Variants in OGFOD1 observed in about 807,000 individuals in gnomAD.
OGFOD1 encodes the protein 2-oxoglutarate and iron dependent oxygenase domain containing 1.
OGFOD1 carries 54 observed loss-of-function variants against 67.7 expected under a neutral mutation model. That is an observed-to-expected ratio of 0.80 (90% CI 0.64 to 1.00). OGFOD1 has a LOEUF of 1.00. Among genes scored for constraint, OGFOD1 ranks in the 50% least tolerant of loss-of-function variants. The pLI is 0.00. For missense variants in OGFOD1, 606 were observed against 646.7 expected (o/e 0.94, Z 0.68); for synonymous variants, 221 against 227.0 (o/e 0.97, Z 0.24).
At chr16:56,471,240 T>C (rs1291897481) in intron 10 of OGFOD1, among the ~76,000 whole-genome samples, 2 of 151,076 alleles carry the variant, frequency 1.3e-5, no homozygotes, top group Admixed American at 6.6e-5. Context: ...TGAACGCCTG[T>C]AATCCAAGCT....
Position 56,462,569 on chromosome 16 carries a change from C to G in OGFOD1, c.383C>G (p.Ser128Cys), listed in dbSNP as rs375464486. ...ILFEDFRSWL[S>C]DISKIDLEST... ...TTTGAAGATTTCCGGTCCTGGCTTT[C>G]TGATATTTCTAAAATTGACCTGGAA... The change falls in exon 4 of 13, where the codon TCT (serine) becomes TGT (cysteine). Residue 128 changes from serine to cysteine, a missense_variant. By Grantham distance (112) the Ser-to-Cys change is moderately radical (BLOSUM62 -1). Transcript: ENST00000566157. The G allele has an allele frequency of 1.2e-6, 2 of 1,613,038 alleles. No individual in the cohort carries two copies. The highest frequency in any genetic ancestry group is 1.7e-6 in the Non-Finnish European group (2 of 1,179,106).
intron 2 of OGFOD1, among the ~76,000 whole-genome samples, chr16:56,454,507 T>G (rs1285585370): frequency 2.0e-5 from 3 of 151,790 alleles, no homozygotes; most frequent in Non-Finnish European, 2.9e-5. Context: ...TTTTTTTTTT[T>G]TAAGTTTGGT....
rs1177670320 is a variant in OGFOD1 at position 56,477,814 on chromosome 16, A to G, written c.*1609A>G. 1 of 152,086 alleles carries G rather than the reference A, an allele frequency of 6.6e-6. No homozygotes were observed. Among genetic ancestry groups the G allele is most frequent in the East Asian group, 1.9e-4 (1 of 5,186 alleles). The allele number at this position is 152,086 out of a possible 1,614,324, so 9.4% of individuals were successfully genotyped here. A position where few individuals can be genotyped will look rare whatever the true frequency, so the allele number is the denominator to read the frequency against. The stretch of plus-strand genomic sequence containing the variant: ...AATAGAAAAAGCACTGGGCCTTTAA[A>G]CTTCTTAACTACTCTTCTCTTTCAT... On this transcript the variant is annotated 3_prime_UTR_variant, in exon 13 of 13. Coordinates refer to ENST00000566157, the MANE Select transcript of OGFOD1 (RefSeq NM_018233.4).
chr16:56,469,580 C>T (rs1022590911), intron 8 of OGFOD1, among the ~76,000 whole-genome samples: 1 of 151,912 alleles, frequency 6.6e-6, no homozygotes, highest in Admixed American at 6.6e-5. Flanking sequence ...GTCGGCCAGG[C>T]GCAGTGGCTG....
At chr16:56,462,399 C>A in intron 3 of OGFOD1, 135 bp from the exon 4 acceptor site, 1 of 616,168 alleles carries the variant, frequency 1.6e-6, no homozygotes, top group Non-Finnish European at 2.9e-6. Flanking sequence ...CAGAATGTCT[C>A]AAATGAGATC....
chr16:56,464,260 G>T (rs1962822028), intron 4 of OGFOD1, among the ~76,000 whole-genome samples: 1 of 152,172 alleles, frequency 6.6e-6, no homozygotes, highest in South Asian at 2.1e-4. Context: ...GGTGGTGCAT[G>T]GTTTCAGTGT....
intron 10 of OGFOD1, among the ~76,000 whole-genome samples, chr16:56,474,143 A>T (rs1963340704): frequency 6.6e-6 from 1 of 152,124 alleles, no homozygotes. Flanking sequence ...TTTATAAAAT[A>T]TTTTAGTAAT....
intron 7 of OGFOD1, 112 bp from the exon 8 acceptor site, chr16:56,467,793 G>A: frequency 1.4e-6 from 1 of 692,232 alleles, no homozygotes; most frequent in Non-Finnish European, 2.6e-6. Flanking sequence ...ACTTTAATAG[G>A]AGAAACTTAT....
Position 56,476,404 on chromosome 16 carries a change from T to TA in OGFOD1, c.*210dup, listed in dbSNP as rs59188420. 61,349 of 308,148 alleles carry TA rather than the reference T, an allele frequency of 0.2. 4,660 individuals are homozygous for TA. The highest frequency in any genetic ancestry group is 0.36 in the African/African-American group (15,914 of 44,582). The allele number at this position is 308,148 out of a possible 1,614,324, so 19.1% of individuals were successfully genotyped here. The stretch of plus-strand genomic sequence containing the variant: ...TGCAGCTAAGTACTTATCTCTTGAT[T>TA]AAAAAAAAAAAGTTGGCTTTTTTTT... On this transcript the variant is annotated 3_prime_UTR_variant, in exon 13 of 13. Coordinates refer to ENST00000566157, the MANE Select transcript of OGFOD1 (RefSeq NM_018233.4).
chr16:56,468,682 C>T (rs554145489), intron 8 of OGFOD1, among the ~76,000 whole-genome samples: 40 of 151,102 alleles, frequency 2.6e-4, no homozygotes, highest in African/African-American at 9.0e-4. Flanking sequence ...GCTGAGATTG[C>T]GCCATTGCAC....
chr16:56,466,089 C>A, intron 4 of OGFOD1, 63 bp from the exon 5 acceptor site: 1 of 1,130,530 alleles, frequency 8.8e-7, no homozygotes, highest in Non-Finnish European at 1.3e-6. Context: ...ATATTAAATG[C>A]AGAGTCAGGT....
intron 3 of OGFOD1, among the ~76,000 whole-genome samples, chr16:56,460,533 A>G (rs578155584): frequency 6.6e-6 from 1 of 152,324 alleles, no homozygotes; most frequent in East Asian, 1.9e-4. Context: ...ATCCTGACCC[A>G]TTTTACATAA....
At chr16:56,475,761 C>A (rs879317700) in intron 12 of OGFOD1, among the ~76,000 whole-genome samples, 196 bp downstream of exon 12, 1 of 152,182 alleles carries the variant, frequency 6.6e-6, no homozygotes, top group East Asian at 1.9e-4. Context: ...ATTTATTTTA[C>A]CCTCCTGAGA....
chr16:56,477,566 G>A lies in OGFOD1; in HGVS notation c.*1361G>A, dbSNP rs1963538522. 6.6e-6 allele frequency: 1 copy of A among 152,110 alleles called. No homozygotes were observed. 9.4% of individuals were successfully genotyped at this position (152,110 alleles called of 1,614,324 possible). ...CTAATTGCTTTTTATTTTAAGAGAC[G>A]GAATGCTAAAACCACATCAGAATGC... is the stretch of plus-strand genomic sequence containing the variant. On this transcript the variant is annotated 3_prime_UTR_variant, in exon 13 of 13. Transcript: ENST00000566157.
intron 2 of OGFOD1, chr16:56,453,647 GT>G (rs1962416448): frequency 3.0e-6 from 1 of 331,864 alleles, no homozygotes; most frequent in South Asian, 6.1e-5. Context: ...AAAATCTAGT[GT>G]TCAAAGTGCA....
Position 56,467,274 on chromosome 16 carries a change from G to A in OGFOD1, c.767G>A (p.Ser256Asn), listed in dbSNP as rs1962943232. The A allele has an allele frequency of 6.2e-7, 1 of 1,614,002 alleles. No homozygotes were observed. Among genetic ancestry groups the A allele is most frequent in the Admixed American group, 1.7e-5 (1 of 59,992 alleles). Residue 256 changes from serine (S) to asparagine (N), a missense_variant, in exon 7 of 13, where the codon AGC becomes AAC. Coordinates refer to ENST00000566157, the MANE Select transcript of OGFOD1 (RefSeq NM_018233.4). ...PNYFEPPIPRSPHIPQDHEIL... is the reference protein window; with the variant it reads ...PNYFEPPIPRNPHIPQDHEIL... The stretch of plus-strand genomic sequence containing the variant: ...TACTTTGAACCCCCCATACCTCGGA[G>A]CCCTCACATCCCACAAGATGTAAGA...
intron 2 of OGFOD1, among the ~76,000 whole-genome samples, chr16:56,456,220 T>C (rs1393114983): frequency 1.3e-5 from 2 of 152,148 alleles, no homozygotes; most frequent in Non-Finnish European, 2.9e-5. Flanking sequence ...GTTACCATGC[T>C]CTCTTGGTTT....
Position 56,470,024 on chromosome 16 carries a change from T to C in OGFOD1, c.922T>C (p.Cys308Arg), listed in dbSNP as rs113412936. The change falls in exon 9 of 13, where the codon TGT becomes CGT. Residue 308 changes from cysteine (C) to arginine (R), a missense_variant. Transcript: ENST00000566157. ...FLKPEKFTKV[C>R]EALEHGHVEW... ...CTAGCCTGAGAAATTCACGAAAGTC[T>C]GTGAGGCCTTGGAGCATGGACATGT... 151 of 1,614,094 alleles carry C rather than the reference T, an allele frequency of 9.4e-5. No homozygotes were observed. The African/African-American group carries it at 1.8e-3, about 19-fold the overall frequency.
chr16:56,472,250 G>A (rs1185304535), intron 10 of OGFOD1, among the ~76,000 whole-genome samples: 1 of 151,970 alleles, frequency 6.6e-6, no homozygotes, highest in Non-Finnish European at 1.5e-5. Context: ...GATTACAAGC[G>A]TGACCAATCA....
Sources: gnomAD v4.1 joint callset for allele counts (sites outside exome capture counted in the v4.1 genomes callset) on GRCh38, gnomAD v4.1.1 for gene constraint, MANE v1.5 for transcripts, NCBI Gene and HGNC (gene_info 2026-07-23, HGNC 2026-07-21) for gene names.